The following ANKH variants were observed in gnomAD, a reference collection of about 807,000 sequenced individuals.
The protein encoded by ANKH is mineralization regulator ANKH.
In ANKH, 15 loss-of-function variants were observed where a neutral mutation model predicts 49.0. The observed-to-expected ratio is 0.31, with a 90% CI of 0.20 to 0.47. The LOEUF (loss-of-function observed/expected upper bound fraction) is 0.47. ANKH is among the 20% of genes least tolerant of loss of function. ANKH has a pLI of 1.00. For missense variants in ANKH, 429 were observed against 652.0 expected (o/e 0.66, Z 3.72); for synonymous variants, 273 against 260.0 (o/e 1.05, Z -0.48).
At chr5:14,772,266 T>C (rs1256212526) in intron 1 of ANKH, among the ~76,000 whole-genome samples, 2 of 152,182 alleles carry the variant, frequency 1.3e-5, no homozygotes, top group Non-Finnish European at 2.9e-5. Context: ...GCTGGCAGAA[T>C]GAAAACTTAA....
intron 2 of ANKH, among the ~76,000 whole-genome samples, chr5:14,766,576 T>C (rs1490650565): frequency 3.3e-5 from 5 of 152,164 alleles, no homozygotes; most frequent in Non-Finnish European, 7.3e-5. Flanking sequence ...TAGAAGAACT[T>C]GCTAAAAGGA....
intron 1 of ANKH, chr5:14,797,458 A>G (rs1405784718): frequency 1.9e-6 from 3 of 1,611,114 alleles, no homozygotes; most frequent in Non-Finnish European, 2.5e-6. Flanking sequence ...TCCTTATGTG[A>G]CTCAAAGGAA....
Position 14,725,944 on chromosome 5 carries a change from C to T in ANKH, c.1012-9109G>A, listed in dbSNP as rs1737810249. The stretch of plus-strand genomic sequence containing the variant: ...TATTTTTAGTAGAGATGGGGTTTCA[C>T]CATGCAGAAAAACATTTTTAAATAA... On this transcript the variant is annotated intron_variant, in intron 8 of 11. Transcript: ENST00000284268. This position sits in a 1 kb window ranked among gnomAD's most constrained non-coding sequence, Gnocchi z 4.0. Among the ~76,000 whole-genome samples, 1 of 152,114 alleles carries T rather than the reference C, an allele frequency of 6.6e-6. No individual in the cohort carries two copies. Among genetic ancestry groups the T allele is most frequent in the Non-Finnish European group, 1.5e-5 (1 of 68,032 alleles).
rs1742044630 is a variant in ANKH at position 14,848,846 on chromosome 5, G to A, written c.96+22506C>T. On this transcript the variant is annotated intron_variant, in intron 1 of 11. Transcript: ENST00000284268. The stretch of plus-strand genomic sequence containing the variant: ...CCCCAGGTCAGAGAACAAAAGGCTT[G>A]CCACCATCTTGGGAGCTCTAAGAAC... Among the ~76,000 whole-genome samples the A allele has an allele frequency of 2.0e-5, 3 of 152,214 alleles. No individual in the cohort carries two copies. In the South Asian group the frequency reaches 6.2e-4, roughly 32 times the overall value.
At chr5:14,762,730 T>A (rs1245893651) in intron 2 of ANKH, among the ~76,000 whole-genome samples, 1 of 131,224 alleles carries the variant, frequency 7.6e-6, no homozygotes, top group African/African-American at 3.0e-5. Context: ...CAGCTAGAGC[T>A]ATTGGGGGGG....
Position 14,820,594 on chromosome 5 carries a change from A to G in ANKH, c.96+50758T>C, listed in dbSNP as rs200206653. On this transcript the variant is annotated intron_variant, in intron 1 of 11. Transcript: ENST00000284268. ...GCTGAGGGCAGGCCAACGGCCCAAC[A>G]TCAAGGGTGGGGAAATGAGGAACTT... is the stretch of plus-strand genomic sequence containing the variant. Among the ~76,000 whole-genome samples the G allele has an allele frequency of 9.8e-5, 15 of 152,334 alleles. No individual in the cohort carries two copies. In the East Asian group the frequency reaches 2.5e-3, roughly 25 times the overall value.
intron 1 of ANKH, among the ~76,000 whole-genome samples, chr5:14,819,348 AT>A (rs1741131804): frequency 2.0e-5 from 3 of 152,350 alleles, no homozygotes; most frequent in South Asian, 4.1e-4. Context: ...GTGGGACTAT[AT>A]TGCTGTAATG....
intron 1 of ANKH, among the ~76,000 whole-genome samples, chr5:14,818,476 T>C (rs530840682): frequency 1.3e-5 from 2 of 151,800 alleles, no homozygotes; most frequent in East Asian, 3.9e-4. Flanking sequence ...CCCCTATCTC[T>C]ACTAAAAATA....
rs542903031 is a variant in ANKH at position 14,748,679 on chromosome 5, G to C, written c.822+493C>G. ...GGTGACGGGTCAGGTGGCACATGCA[G>C]GATGGTGAAGGGCAGGTGAGGGCAG... On this transcript the variant is annotated intron_variant, in intron 6 of 11. Coordinates refer to ENST00000284268, the MANE Select transcript of ANKH (RefSeq NM_054027.6). 2.0e-5 allele frequency among the ~76,000 whole-genome samples: 3 copies of C among 152,380 alleles called. No individual in the cohort carries two copies. In the East Asian group the frequency reaches 5.8e-4, roughly 29 times the overall value.
In ANKH at chr5:14,755,504, G is replaced by C. The variant is rs114920149; in HGVS notation, c.516+357C>G. Among the ~76,000 whole-genome samples the C allele has an allele frequency of 7.0e-3, 1,065 of 152,302 alleles. 12 individuals carry two copies. The highest frequency in any genetic ancestry group is 0.024 in the African/African-American group (1,000 of 41,566). ...AGACTTCATAGTGATAGGCCACGCA[G>C]AGGGCACCCAGGCAAGTAAACAGTG... On this transcript the variant is annotated intron_variant, in intron 4 of 11. Coordinates refer to ENST00000284268, the MANE Select transcript of ANKH (RefSeq NM_054027.6).
intron 1 of ANKH, among the ~76,000 whole-genome samples, chr5:14,853,146 A>G (rs901578100): frequency 6.6e-6 from 1 of 152,210 alleles, no homozygotes. Flanking sequence ...AATTAAACCA[A>G]CAGTTCTTAA....
At chr5:14,776,380 A>G (rs1301393128) in intron 1 of ANKH, among the ~76,000 whole-genome samples, 1 of 152,182 alleles carries the variant, frequency 6.6e-6, no homozygotes, top group African/African-American at 2.4e-5. Context: ...GGCTATGGAT[A>G]TACATTTGGA....
At chr5:14,808,666 T>C (rs955847268) in intron 1 of ANKH, among the ~76,000 whole-genome samples, 1 of 151,202 alleles carries the variant, frequency 6.6e-6, no homozygotes, top group African/African-American at 2.4e-5. Context: ...ATGGCAATCA[T>C]TAAAAAGTTA....
intron 8 of ANKH, among the ~76,000 whole-genome samples, chr5:14,728,845 A>T (rs1737902196): frequency 6.6e-6 from 1 of 152,190 alleles, no homozygotes; most frequent in South Asian, 2.1e-4. Context: ...CCTTACTGAG[A>T]CGCAGCTGCA....
At chr5:14,832,632 G>GT (rs1377376428) in intron 1 of ANKH, among the ~76,000 whole-genome samples, 1 of 152,208 alleles carries the variant, frequency 6.6e-6, no homozygotes, top group African/African-American at 2.4e-5. Flanking sequence ...GTTGGAGGAA[G>GT]TAAGTTTCCA....
intron 1 of ANKH, among the ~76,000 whole-genome samples, chr5:14,804,605 G>T (rs1740650789): frequency 6.6e-6 from 1 of 152,252 alleles, no homozygotes; most frequent in Non-Finnish European, 1.5e-5. Context: ...ACTGAAAACT[G>T]TTGTTGGAGT....
At chr5:14,712,419 G>A (rs1737255009) in intron 11 of ANKH, among the ~76,000 whole-genome samples, 1 of 152,244 alleles carries the variant, frequency 6.6e-6, no homozygotes, top group Non-Finnish European at 1.5e-5. Context: ...CCTTGCGCAA[G>A]CTCTCGGACT....
intron 11 of ANKH, among the ~76,000 whole-genome samples, chr5:14,712,602 G>T (rs961028425): frequency 1.3e-5 from 2 of 152,198 alleles, no homozygotes; most frequent in Admixed American, 1.3e-4. Context: ...CCCCATCTAC[G>T]CTGGCTTTCT....
At chr5:14,841,091 A>G (rs1741802406) in intron 1 of ANKH, among the ~76,000 whole-genome samples, 1 of 152,208 alleles carries the variant, frequency 6.6e-6, no homozygotes, top group East Asian at 1.9e-4. Flanking sequence ...TACTGAGAGG[A>G]CAGATTTTAC....
Sources: gnomAD v4.1 joint callset for allele counts (sites outside exome capture counted in the v4.1 genomes callset) on GRCh38, gnomAD v4.1.1 for gene constraint, Gnocchi (gnomAD v3.1) non-coding constraint, MANE v1.5 for transcripts, NCBI Gene and HGNC (gene_info 2026-07-23, HGNC 2026-07-21) for gene names.